The following SPON1 variants were observed in gnomAD, a reference collection of about 807,000 sequenced individuals.
The protein encoded by SPON1 is spondin 1.
A neutral mutation model predicts 111.7 loss-of-function variants in SPON1; 52 were observed. The observed-to-expected ratio is 0.47, with a 90% confidence interval of 0.37 to 0.59. SPON1 has a LOEUF of 0.59. Ranked by LOEUF, SPON1 falls within the 20% of genes least tolerant of loss-of-function variation. The probability of loss-of-function intolerance (pLI) is 0.00; values close to 1 mark genes in which losing one functional copy is unlikely to be tolerated. For missense variants in SPON1, 957 were observed against 1,068.5 expected (o/e 0.90, Z 1.46); for synonymous variants, 410 against 395.8 (o/e 1.04, Z -0.43).
chr11:14,002,767 C>T (rs1848328662), intron 2 of SPON1, among the ~76,000 whole-genome samples: 1 of 152,108 alleles, frequency 6.6e-6, no homozygotes. Context: ...CACAGGCATC[C>T]ACCAAGGGGA....
intron 1 of SPON1, among the ~76,000 whole-genome samples, chr11:13,966,359 G>T (rs995704586): frequency 8.5e-5 from 13 of 152,116 alleles, no homozygotes; most frequent in Admixed American, 3.9e-4. Context: ...AGGACAATTC[G>T]CAGGACCAGC....
At chr11:14,225,662 C>T (rs1848731159) in intron 6 of SPON1, among the ~76,000 whole-genome samples, 1 of 152,156 alleles carries the variant, frequency 6.6e-6, no homozygotes, top group South Asian at 2.1e-4. Flanking sequence ...ACCTCAAGTA[C>T]AGCAAAATTG....
intron 6 of SPON1, among the ~76,000 whole-genome samples, chr11:14,197,509 A>AAATAAATAAATG (rs1554935212): frequency 3.3e-5 from 5 of 151,244 alleles, no homozygotes; most frequent in African/African-American, 1.2e-4. Context: ...ATAAATAAAT[A>AAATAAATAAATG]AATAAATAAA....
At chr11:14,117,000 T>G (rs1849271709) in intron 5 of SPON1, among the ~76,000 whole-genome samples, 1 of 152,206 alleles carries the variant, frequency 6.6e-6, no homozygotes, top group Admixed American at 6.5e-5. Context: ...AAATTTCATT[T>G]TCCAGTTGTT....
chr11:14,048,776 C>T (rs943918988), intron 3 of SPON1, among the ~76,000 whole-genome samples: 1 of 152,200 alleles, frequency 6.6e-6, no homozygotes, highest in African/African-American at 2.4e-5. Flanking sequence ...AAGGAAGTTC[C>T]GTACCCTTCA....
chr11:14,147,380 C>G (rs1554929440), intron 6 of SPON1, among the ~76,000 whole-genome samples: 1 of 151,718 alleles, frequency 6.6e-6, no homozygotes, highest in African/African-American at 2.4e-5. Flanking sequence ...AAGCACATCA[C>G]AAAACCCGGA....
intron 6 of SPON1, among the ~76,000 whole-genome samples, chr11:14,145,082 G>T (rs1554929194): frequency 6.6e-6 from 1 of 152,152 alleles, no homozygotes; most frequent in African/African-American, 2.4e-5. Context: ...TTCTGTCACA[G>T]ATACTCGATA....
At chr11:14,105,737 GT>G (rs1444798287) in intron 5 of SPON1, among the ~76,000 whole-genome samples, 3 of 152,048 alleles carry the variant, frequency 2.0e-5, no homozygotes, top group Non-Finnish European at 2.9e-5. Flanking sequence ...GCTTCAGACT[GT>G]TTTATTCACA....
chr11:14,160,907 A>ATATATATT (rs1564919706), intron 6 of SPON1, among the ~76,000 whole-genome samples: 2 of 31,708 alleles, frequency 6.3e-5, no homozygotes, highest in Non-Finnish European at 1.0e-4. Context: ...TTATATATTT[A>ATATATATT]TATATATATT....
chr11:14,176,077 T>C (rs1386286307), intron 6 of SPON1, among the ~76,000 whole-genome samples: 4 of 152,218 alleles, frequency 2.6e-5, no homozygotes, highest in African/African-American at 9.6e-5. Context: ...TATTGGGGTC[T>C]CTGGGAAAGG....
At position 14,221,958 on chromosome 11, in the gene SPON1, A is replaced by G. The variant is rs539082121; in HGVS notation, c.826-21374A>G. 5.3e-5 allele frequency among the ~76,000 whole-genome samples: 8 copies of G among 152,290 alleles called. No homozygotes were observed. The East Asian group carries it at 1.5e-3, about 29-fold the overall frequency. ...CAGTGAAGATGTTGGCCCTGGGATC[A>G]CTGTCTTATCCAACCCAAGTAGCTC... On this transcript the variant is annotated intron_variant, in intron 6 of 15. Transcript: ENST00000576479.
chr11:14,210,719 G>C (rs1395148821), intron 6 of SPON1, among the ~76,000 whole-genome samples: 2 of 152,002 alleles, frequency 1.3e-5, no homozygotes, highest in Admixed American at 1.3e-4. Context: ...TTTCTTCTAG[G>C]GTTTTGATGG....
chr11:14,202,436 G>A (rs950420880), intron 6 of SPON1, among the ~76,000 whole-genome samples: 6 of 152,208 alleles, frequency 3.9e-5, no homozygotes, highest in African/African-American at 1.4e-4. Flanking sequence ...TAGCACAAGT[G>A]CATGGTCCGG....
chr11:14,251,492 G>T (rs1457973295), intron 7 of SPON1, among the ~76,000 whole-genome samples: 2 of 152,214 alleles, frequency 1.3e-5, no homozygotes, highest in African/African-American at 4.8e-5. Flanking sequence ...ATGTGTTAGG[G>T]TGGCAGTTGG....
At chr11:13,980,511 G>A (rs1554909513) in intron 1 of SPON1, among the ~76,000 whole-genome samples, 1 of 151,958 alleles carries the variant, frequency 6.6e-6, no homozygotes. Context: ...CCAAGACAGT[G>A]GTTTTATTTG....
At chr11:13,978,083 T>A (rs782642843) in intron 1 of SPON1, among the ~76,000 whole-genome samples, 20 of 152,174 alleles carry the variant, frequency 1.3e-4, no homozygotes, top group Non-Finnish European at 2.4e-4. Flanking sequence ...TGTGGAACTT[T>A]CCTGGACCCT....
intron 5 of SPON1, among the ~76,000 whole-genome samples, chr11:14,089,298 C>T (rs1311923943): frequency 2.0e-5 from 3 of 152,050 alleles, no homozygotes; most frequent in African/African-American, 4.8e-5. Context: ...GGCTGATGAC[C>T]TTTGGATGGG....
intron 6 of SPON1, among the ~76,000 whole-genome samples, chr11:14,214,747 A>G (rs933716597): frequency 2.0e-5 from 3 of 152,214 alleles, no homozygotes; most frequent in Non-Finnish European, 4.4e-5. Context: ...TGACTGGAAC[A>G]TTGTACCATT....
intron 2 of SPON1, among the ~76,000 whole-genome samples, chr11:13,987,876 A>G (rs962936827): frequency 1.3e-5 from 2 of 152,122 alleles, no homozygotes; most frequent in African/African-American, 4.8e-5. Flanking sequence ...GTGTGGTATT[A>G]TTTCTGAAGG....
Sources: gnomAD v4.1 joint callset for allele counts (sites outside exome capture counted in the v4.1 genomes callset) on GRCh38, gnomAD v4.1.1 for gene constraint, MANE v1.5 for transcripts, NCBI Gene and HGNC (gene_info 2026-07-23, HGNC 2026-07-21) for gene names.